The following ZDHHC7 variants were observed in gnomAD, a reference collection of about 807,000 sequenced individuals.
ZDHHC7 encodes the protein palmitoyltransferase ZDHHC7.
Under a neutral mutation model 34.1 loss-of-function variants are expected in ZDHHC7, and 12 were observed. The ratio of observed to expected loss-of-function variants is 0.35; its 90% CI spans 0.23 to 0.57. The LOEUF (loss-of-function observed/expected upper bound fraction) is 0.57. Ranked by LOEUF, ZDHHC7 falls within the 20% of genes least tolerant of loss-of-function variation. The pLI is 0.84. For missense variants in ZDHHC7, 388 were observed against 402.7 expected, an observed-to-expected ratio of 0.96 and a Z score of 0.31; for synonymous variants, 185 against 155.4, an observed-to-expected ratio of 1.19 and a Z score of -1.42.
chr16:84,999,184 T>C (rs2072622702), intron 1 of ZDHHC7, among the ~76,000 whole-genome samples: 1 of 152,232 alleles, frequency 6.6e-6, no homozygotes, highest in Non-Finnish European at 1.5e-5. Flanking sequence ...AATCGGAAAC[T>C]GGTTTGCAAA....
chr16:84,988,887 T>C, intron 3 of ZDHHC7: 1 of 1,551,390 alleles, frequency 6.4e-7, no homozygotes, highest in Non-Finnish European at 8.7e-7. Context: ...CAAGGCAATA[T>C]TCCAGTAAAA....
chr16:84,991,208 G>C (rs905873489), intron 2 of ZDHHC7, among the ~76,000 whole-genome samples: 2 of 152,168 alleles, frequency 1.3e-5, no homozygotes, highest in African/African-American at 4.8e-5. Flanking sequence ...GCTTATCTGT[G>C]ATGTTTTTGG....
chr16:85,013,134 T>C (rs1036688654), upstream of ZDHHC7, among the ~76,000 whole-genome samples: 3 of 150,266 alleles, frequency 2.0e-5, no homozygotes, highest in African/African-American at 7.3e-5. Flanking sequence ...AACCTTACTC[T>C]ATTAAGTTTC....
At chr16:85,025,175 G>A in the ZDHHC7 span, among the ~76,000 whole-genome samples, 1 of 152,044 alleles carries the variant, frequency 6.6e-6, no homozygotes, top group African/African-American at 2.4e-5. Flanking sequence ...CTACTTGGGA[G>A]GCTAAGGCAA....
Position 84,976,065 on chromosome 16 carries a change from C to G in ZDHHC7, c.*278G>C, listed in dbSNP as rs1487191750. 2 of 433,592 alleles carry G rather than the reference C, an allele frequency of 4.6e-6. No homozygotes were observed. Among genetic ancestry groups the G allele is most frequent in the Non-Finnish European group, 8.2e-6 (2 of 244,244 alleles). 26.9% of individuals were successfully genotyped at this position (433,592 alleles called of 1,614,324 possible). On this transcript the variant is annotated 3_prime_UTR_variant, in exon 8 of 8. Transcript: ENST00000313732. ...GGATTTGAATAACCCATGTAATAAC[C>G]CGAAGTATTCTCCACAGAAGCCCCA... is the stretch of plus-strand genomic sequence containing the variant.
chr16:84,977,378 G>T, intron 6 of ZDHHC7, 153 bp from the exon 7 acceptor site: 1 of 960,976 alleles, frequency 1.0e-6, no homozygotes, highest in Non-Finnish European at 1.5e-6. Flanking sequence ...TGTTCTCCAA[G>T]GAGCAGAGGA....
chr16:84,990,802 A>C (rs546564768), intron 2 of ZDHHC7, among the ~76,000 whole-genome samples, 167 bp from the exon 3 acceptor site: 1 of 152,204 alleles, frequency 6.6e-6, no homozygotes, highest in Non-Finnish European at 1.5e-5. Flanking sequence ...TAAATCTCTG[A>C]CTTGATTGAT....
At chr16:85,018,162 C>G in the ZDHHC7 span, among the ~76,000 whole-genome samples, 1 of 152,128 alleles carries the variant, frequency 6.6e-6, no homozygotes. Flanking sequence ...AGCCTCTAGT[C>G]ATGTGAAACT....
In ZDHHC7 at chr16:84,974,923, C is replaced by G. The variant is rs1245688189; in HGVS notation, c.*1420G>C. On this transcript the variant is annotated 3_prime_UTR_variant, in exon 8 of 8. Transcript: ENST00000313732. ...GAGTAATTAAAAACAAAAAACAGTT[C>G]ACAGATGAACAGAAAGGCAAAACAA... The G allele has an allele frequency of 6.6e-6, 1 of 152,668 alleles. No homozygotes were observed. Among genetic ancestry groups the G allele is most frequent in the Admixed American group, 6.5e-5 (1 of 15,286 alleles). The allele number at this position is 152,668 out of a possible 1,614,324, so 9.5% of individuals were successfully genotyped here. A position where few individuals can be genotyped will look rare whatever the true frequency, so the allele number is the denominator to read the frequency against.
the ZDHHC7 span, among the ~76,000 whole-genome samples, chr16:85,025,448 C>A: frequency 6.6e-6 from 1 of 151,840 alleles, no homozygotes; most frequent in African/African-American, 2.4e-5. Flanking sequence ...CTCACTCCGT[C>A]GACAGGCTGG....
chr16:84,976,350 G>A lies in ZDHHC7; in HGVS notation c.920C>T (p.Ser307Leu). 1.2e-6 allele frequency: 2 copies of A among 1,613,894 alleles called. No homozygotes were observed. Among genetic ancestry groups the A allele is most frequent in the Non-Finnish European group, 1.7e-6 (2 of 1,179,996 alleles). ...TRPRKGGPEF[S>L]V ...AGTCTGATGAGCCACGCCTCACACT[G>A]AGAACTCCGGGCCACCTTTTCTGGG... The change falls in exon 8 of 8, where the codon TCA becomes TTA. Residue 307 changes from serine to leucine, a missense_variant. Physicochemically the swap from Ser to Leu is moderately radical, Grantham distance 145 (BLOSUM62 -2). Coordinates refer to ENST00000313732, the MANE Select transcript of ZDHHC7 (RefSeq NM_017740.3).
the ZDHHC7 span, among the ~76,000 whole-genome samples, chr16:85,027,542 G>A: frequency 6.6e-6 from 1 of 152,190 alleles, no homozygotes; most frequent in Non-Finnish European, 1.5e-5. Context: ...CAGAGTCCGA[G>A]AACACCCAGC....
At chr16:85,013,701 GTTTTT>G (rs1050231156), upstream of ZDHHC7, among the ~76,000 whole-genome samples, 1 of 150,676 alleles carries the variant, frequency 6.6e-6, no homozygotes, top group South Asian at 2.1e-4. Context: ...GTTTTGTTTT[GTTTTT>G]GAGATAGACT....
At chr16:85,027,625 G>GC in the ZDHHC7 span, 2 of 152,220 alleles carry the variant, frequency 1.3e-5, no homozygotes, top group Admixed American at 6.5e-5. Flanking sequence ...CAGGCCTCGG[G>GC]CCCCTCAGGC....
At chr16:84,977,069 T>C (rs774892659) in intron 7 of ZDHHC7, 26 bp downstream of exon 7, 14 of 1,613,316 alleles carry the variant, frequency 8.7e-6, no homozygotes, top group Non-Finnish European at 1.2e-5. Flanking sequence ...ACATATGAAG[T>C]CCACACAGCC....
chr16:85,001,519 C>T (rs1438150261), intron 1 of ZDHHC7, among the ~76,000 whole-genome samples: 2 of 149,720 alleles, frequency 1.3e-5, no homozygotes, highest in South Asian at 2.1e-4. Context: ...AGGCTTCTCA[C>T]TGTTGGGGTG....
chr16:85,010,413 G>A (rs1293913341), intron 1 of ZDHHC7, among the ~76,000 whole-genome samples: 1 of 152,212 alleles, frequency 6.6e-6, no homozygotes, highest in Admixed American at 6.5e-5. Flanking sequence ...TCTGTGAGAT[G>A]AAGAGTTCAG....
intron 1 of ZDHHC7, among the ~76,000 whole-genome samples, chr16:84,998,228 C>T (rs1354147990): frequency 1.3e-5 from 2 of 149,298 alleles, no homozygotes; most frequent in Non-Finnish European, 3.0e-5. Flanking sequence ...CGCACCACTG[C>T]ACTCCAGCCT....
chr16:84,999,374 C>G (rs1362839241), intron 1 of ZDHHC7, among the ~76,000 whole-genome samples: 4 of 152,084 alleles, frequency 2.6e-5, no homozygotes, highest in African/African-American at 9.7e-5. Flanking sequence ...GGTATTTACC[C>G]AAGAAAAATA....
Sources: gnomAD v4.1 joint callset for allele counts (sites outside exome capture counted in the v4.1 genomes callset) on GRCh38, gnomAD v4.1.1 for gene constraint, MANE v1.5 for transcripts, NCBI Gene and HGNC (gene_info 2026-07-23, HGNC 2026-07-21) for gene names.